Variants in HS6ST3 observed in about 807,000 individuals in gnomAD.
HS6ST3 encodes the protein heparan-sulfate 6-O-sulfotransferase 3.
HS6ST3 carries 12 observed loss-of-function variants against 36.7 expected under a neutral mutation model. The observed-to-expected ratio is 0.33, with a 90% CI of 0.21 to 0.53. The LOEUF is 0.53. HS6ST3 is among the 20% of genes least tolerant of loss of function. The pLI is 0.95. For synonymous variants in HS6ST3, 240 were observed against 257.5 expected (o/e 0.93, Z 0.65); for missense variants, 584 against 640.9 (o/e 0.91, Z 0.96).
At chr13:96,713,183 A>T (rs1016100153) in intron 1 of HS6ST3, among the ~76,000 whole-genome samples, 1 of 152,220 alleles carries the variant, frequency 6.6e-6, no homozygotes. Context: ...ATTTATAGCC[A>T]TAAGTTTGTA....
intron 1 of HS6ST3, among the ~76,000 whole-genome samples, chr13:96,549,108 C>T (rs2056209095): frequency 6.6e-6 from 1 of 152,174 alleles, no homozygotes; most frequent in African/African-American, 2.4e-5. Context: ...ATTAGCTCCC[C>T]TGTTGCCCTT....
chr13:96,264,805 C>G (rs565529826), intron 1 of HS6ST3, among the ~76,000 whole-genome samples: 61 of 152,140 alleles, frequency 4.0e-4, no homozygotes, highest in Non-Finnish European at 7.1e-4. Flanking sequence ...TTTGTACAGC[C>G]TTTTTAAAAA....
At chr13:96,227,698 A>G (rs766078813) in intron 1 of HS6ST3, among the ~76,000 whole-genome samples, 1 of 152,192 alleles carries the variant, frequency 6.6e-6, no homozygotes, top group African/African-American at 2.4e-5. Context: ...TCTGCACAAC[A>G]TGGGTTTCAA....
Position 96,725,984 on chromosome 13 carries a change from C to T in HS6ST3, c.708-106506C>T, listed in dbSNP as rs547625662. ...TCCTGAGTAGCTGCGATTACAGGCG[C>T]CCGCCACCGCTGCTGGCTAGTTTTT... On this transcript the variant is annotated intron_variant, in intron 1 of 1. Coordinates refer to ENST00000376705, the MANE Select transcript of HS6ST3 (RefSeq NM_153456.4). Among the ~76,000 whole-genome samples the T allele has an allele frequency of 4.6e-5, 7 of 152,082 alleles. No homozygotes were observed. In the East Asian group the frequency reaches 1.4e-3, roughly 30 times the overall value.
intron 1 of HS6ST3, among the ~76,000 whole-genome samples, chr13:96,465,725 G>T (rs1054678971): frequency 6.6e-6 from 1 of 151,968 alleles, no homozygotes; most frequent in Non-Finnish European, 1.5e-5. Flanking sequence ...GTGTTCACTT[G>T]GTTCTGCTTC....
At chr13:96,331,115 G>T (rs2055064099) in intron 1 of HS6ST3, among the ~76,000 whole-genome samples, 1 of 151,980 alleles carries the variant, frequency 6.6e-6, no homozygotes. Flanking sequence ...CAACTTCTTT[G>T]CCTTTGGTTT....
intron 1 of HS6ST3, 143 bp downstream of exon 1, chr13:96,091,712 G>A: frequency 8.5e-7 from 1 of 1,170,214 alleles, no homozygotes; most frequent in Non-Finnish European, 1.2e-6. Context: ...GCTTTGGGGA[G>A]GGATGAGAAA....
At chr13:96,579,660 A>G (rs2056334637) in intron 1 of HS6ST3, among the ~76,000 whole-genome samples, 1 of 152,220 alleles carries the variant, frequency 6.6e-6, no homozygotes, top group South Asian at 2.1e-4. Context: ...GCGAGATATC[A>G]TCAGGGCAAA....
At chr13:96,678,666 AGT>A (rs993690536) in intron 1 of HS6ST3, among the ~76,000 whole-genome samples, 4 of 151,746 alleles carry the variant, frequency 2.6e-5, no homozygotes, top group African/African-American at 9.7e-5. Flanking sequence ...AGAGTGACAG[AGT>A]GAGACTCTAT....
At chr13:96,335,840 C>G (rs1209723487) in intron 1 of HS6ST3, among the ~76,000 whole-genome samples, 1 of 152,148 alleles carries the variant, frequency 6.6e-6, no homozygotes, top group Non-Finnish European at 1.5e-5. Context: ...GAAAAAGACT[C>G]CTTTTGTGAG....
At chr13:96,216,608 C>G (rs2054427525) in intron 1 of HS6ST3, among the ~76,000 whole-genome samples, 2 of 152,138 alleles carry the variant, frequency 1.3e-5, no homozygotes, top group South Asian at 4.1e-4. Flanking sequence ...TACTTCAGAT[C>G]ATTCTTTGGC....
chr13:96,704,717 C>T (rs140331609), intron 1 of HS6ST3, among the ~76,000 whole-genome samples: 53 of 152,134 alleles, frequency 3.5e-4, no homozygotes, highest in South Asian at 1.2e-3. Flanking sequence ...AAAACTGGAA[C>T]GCCAGGTGGC....
intron 1 of HS6ST3, among the ~76,000 whole-genome samples, chr13:96,270,310 T>C (rs549547712): frequency 5.3e-4 from 80 of 151,994 alleles, no homozygotes; most frequent in African/African-American, 1.9e-3. Context: ...CTGTGAGAAA[T>C]AATTTCTATT....
intron 1 of HS6ST3, among the ~76,000 whole-genome samples, chr13:96,462,286 G>A (rs145209055): frequency 0.022 from 3,408 of 152,170 alleles, 133 homozygotes; most frequent in African/African-American, 0.079. Flanking sequence ...GCCTAGGCTG[G>A]TCTCAAACTC....
chr13:96,373,490 G>A (rs1566341227), intron 1 of HS6ST3, among the ~76,000 whole-genome samples: 1 of 152,202 alleles, frequency 6.6e-6, no homozygotes. Flanking sequence ...AAAAGAGTGA[G>A]AAGAGTATAA....
chr13:96,340,824 T>C (rs954615049), intron 1 of HS6ST3, among the ~76,000 whole-genome samples: 9 of 152,210 alleles, frequency 5.9e-5, no homozygotes, highest in Admixed American at 4.6e-4. Context: ...ACTAATTCCA[T>C]CCTTAAACCA....
chr13:96,812,311 T>C (rs1181258161), intron 1 of HS6ST3, among the ~76,000 whole-genome samples: 1 of 152,230 alleles, frequency 6.6e-6, no homozygotes, highest in African/African-American at 2.4e-5. Context: ...TATTTCCCCA[T>C]ATGCCTTTGC....
chr13:96,338,777 T>C (rs9556569), intron 1 of HS6ST3, among the ~76,000 whole-genome samples: 72,090 of 151,858 alleles, frequency 0.47, 17,496 homozygotes, highest in African/African-American at 0.56. Flanking sequence ...TCACCTTTGG[T>C]GCCCCTTTCT....
intron 1 of HS6ST3, among the ~76,000 whole-genome samples, chr13:96,134,102 A>G (rs986956327): frequency 2.0e-5 from 3 of 151,692 alleles, no homozygotes; most frequent in Non-Finnish European, 4.4e-5. Context: ...AAGTTCATGG[A>G]TTTATTTCTG....
Sources: allele counts gnomAD v4.1 joint callset (sites outside exome capture counted in the v4.1 genomes callset), GRCh38; gene constraint gnomAD v4.1.1; transcripts MANE v1.5; gene names NCBI Gene and HGNC (gene_info 2026-07-23, HGNC 2026-07-21).